DMRT1: variants seen among roughly 807,000 people sequenced by gnomAD.
DMRT1 encodes doublesex and mab-3 related transcription factor 1.
In DMRT1, 7 loss-of-function variants were observed where a neutral mutation model predicts 32.3. That is an observed-to-expected ratio of 0.22 (90% confidence interval 0.12 to 0.41). DMRT1 has a LOEUF of 0.41. DMRT1 is among the 10% of genes least tolerant of loss of function. DMRT1 has a pLI of 1.00. For missense variants in DMRT1, 625 were observed against 500.5 expected (o/e 1.25, Z -2.37); for synonymous variants, 278 against 206.1 (o/e 1.35, Z -2.99).
intron 2 of DMRT1, among the ~76,000 whole-genome samples, chr9:879,825 A>G (rs1043091283): frequency 8.5e-5 from 13 of 152,164 alleles, no homozygotes; most frequent in Non-Finnish European, 2.9e-5. Flanking sequence ...ACTTTATAAC[A>G]TTATGCATTG....
intron 1 of DMRT1, among the ~76,000 whole-genome samples, chr9:843,428 A>G (rs1838775423): frequency 6.6e-6 from 1 of 152,246 alleles, no homozygotes; most frequent in Non-Finnish European, 1.5e-5. Flanking sequence ...TCTCGACCGA[A>G]GATTAAAGTG....
rs1819807700 is a variant in DMRT1, at chr9:962,536, A to AG, written c.968-5447dup. On this transcript the variant is annotated intron_variant, in intron 4 of 4. Coordinates refer to ENST00000382276, the MANE Select transcript of DMRT1 (RefSeq NM_021951.3). ...CCACCAGCTTTCTATGCTGTGGTCC[A>AG]GGAGGGCTTGGGTGGGGTGGGGTGG... 5.9e-5 allele frequency among the ~76,000 whole-genome samples: 4 copies of AG among 67,302 alleles called. No homozygotes were observed. In the Admixed American group the frequency reaches 8.9e-4, roughly 15 times the overall value. The allele number at this position is 67,302 out of a possible 152,430, so 44.2% of individuals were successfully genotyped here.
At chr9:880,035 T>G (rs1447904257) in intron 2 of DMRT1, among the ~76,000 whole-genome samples, 1 of 152,228 alleles carries the variant, frequency 6.6e-6, no homozygotes, top group Non-Finnish European at 1.5e-5. Context: ...AAAACTCAAA[T>G]TTCGGCAATA....
chr9:958,635 G>T (rs1323611177), intron 4 of DMRT1, among the ~76,000 whole-genome samples: 2 of 152,148 alleles, frequency 1.3e-5, no homozygotes, highest in African/African-American at 4.8e-5. Flanking sequence ...CTAACTCTCC[G>T]GGGGTTACAG....
chr9:850,737 A>T (rs946175534), intron 2 of DMRT1, among the ~76,000 whole-genome samples: 2 of 75,100 alleles, frequency 2.7e-5, no homozygotes, highest in African/African-American at 7.5e-5. Context: ...CACTGTATAG[A>T]TGTGAGGCCA....
At chr9:863,969 A>G (rs1815845104) in intron 2 of DMRT1, among the ~76,000 whole-genome samples, 1 of 152,008 alleles carries the variant, frequency 6.6e-6, no homozygotes, top group South Asian at 2.1e-4. Flanking sequence ...TCCCCCGACT[A>G]TTTGGTATTT....
rs146258506 is a variant in DMRT1, at chr9:916,903, G to A, written c.963G>A (p.Ala321=). 2.0e-4 allele frequency: 330 copies of A among 1,614,050 alleles called. No homozygotes were observed. Among genetic ancestry groups the A allele is most frequent in the Non-Finnish European group, 2.6e-4 (301 of 1,180,042 alleles). ...CTCCCTCTTACCCGGAAGCCAGGGCGAGCGGTAGGTGTCTGGTCACACAGA... is the reference window on the plus strand; with the variant it reads ...CTCCCTCTTACCCGGAAGCCAGGGCAAGCGGTAGGTGTCTGGTCACACAGA... The part of the protein sequence containing the change: ...EDAPSYPEAR[A]SVFSPPSSQD... Residue 321 remains alanine, a synonymous_variant, in exon 4 of 5, where the codon GCG becomes GCA. Transcript: ENST00000382276.
intron 2 of DMRT1, among the ~76,000 whole-genome samples, chr9:862,213 C>T (rs10977182): frequency 0.48 from 71,921 of 150,434 alleles, 19,251 homozygotes; most frequent in East Asian, 0.64. Context: ...CTGGGCAACA[C>T]TGAGCACTGA....
chr9:909,934 C>CA (rs1398276583), intron 3 of DMRT1, among the ~76,000 whole-genome samples: 1 of 152,112 alleles, frequency 6.6e-6, no homozygotes, highest in Non-Finnish European at 1.5e-5. Context: ...GACTGTTCTC[C>CA]AACCCCCGGG....
intron 4 of DMRT1, among the ~76,000 whole-genome samples, chr9:961,555 A>G (rs1161661483): frequency 1.3e-5 from 2 of 152,192 alleles, no homozygotes; most frequent in Non-Finnish European, 2.9e-5. Context: ...GATGCCAGCC[A>G]TCTTCTCACC....
chr9:934,037 G>C (rs75429988), intron 4 of DMRT1, among the ~76,000 whole-genome samples: 3 of 148,640 alleles, frequency 2.0e-5, no homozygotes, highest in African/African-American at 7.5e-5. Flanking sequence ...AAAAAAAAAA[G>C]ATGATGAAAG....
At position 861,707 on chromosome 9, in the gene DMRT1, C is replaced by T. The variant is rs561033079; in HGVS notation, c.538+14564C>T. Among the ~76,000 whole-genome samples the T allele has an allele frequency of 6.8e-3, 1,008 of 148,406 alleles. 7 individuals carry two copies. Among genetic ancestry groups the T allele is most frequent in the Middle Eastern group, 0.029 (8 of 272 alleles). On this transcript the variant is annotated intron_variant, in intron 2 of 4. Transcript: ENST00000382276. ...GCAGAGGGGCCCCCCACCTCCCAGA[C>T]GGGGCGGCTGGCCGGGCAGGGGCTG...
intron 4 of DMRT1, among the ~76,000 whole-genome samples, chr9:957,360 C>G (rs184341549): frequency 6.6e-6 from 1 of 152,148 alleles, no homozygotes; most frequent in Admixed American, 6.5e-5. Flanking sequence ...GAAGATACCA[C>G]AAAAATGTTT....
At chr9:966,682 G>C (rs1336671778) in intron 4 of DMRT1, among the ~76,000 whole-genome samples, 1 of 152,172 alleles carries the variant, frequency 6.6e-6, no homozygotes, top group Non-Finnish European at 1.5e-5. Context: ...ATTTCTGTGT[G>C]GTTCCACTAG....
intron 2 of DMRT1, among the ~76,000 whole-genome samples, 163 bp from the exon 3 acceptor site, chr9:893,749 G>C (rs1247421831): frequency 6.6e-6 from 1 of 152,224 alleles, no homozygotes; most frequent in Non-Finnish European, 1.5e-5. Context: ...GCGAACCTTA[G>C]AAACTCTCCC....
At chr9:882,680 A>G (rs548753639) in intron 2 of DMRT1, among the ~76,000 whole-genome samples, 1 of 148,264 alleles carries the variant, frequency 6.7e-6, no homozygotes, top group Non-Finnish European at 1.5e-5. Context: ...GCTCAGCCTC[A>G]TGTTTGTATT....
At chr9:854,632 C>T (rs533707414) in intron 2 of DMRT1, among the ~76,000 whole-genome samples, 14 of 151,986 alleles carry the variant, frequency 9.2e-5, no homozygotes, top group Non-Finnish European at 1.8e-4. Context: ...AAATGAGATC[C>T]GTTTGATTTT....
intron 4 of DMRT1, 53 bp downstream of exon 4, chr9:916,960 C>T (rs953301447): frequency 1.9e-6 from 3 of 1,598,274 alleles, no homozygotes; most frequent in Admixed American, 3.3e-5. Context: ...GATGGCTATC[C>T]AGTATTGGGT....
intron 3 of DMRT1, among the ~76,000 whole-genome samples, chr9:910,630 C>T (rs1030522685): frequency 1.3e-5 from 2 of 151,624 alleles, no homozygotes; most frequent in African/African-American, 4.9e-5. Context: ...AATTATGGCT[C>T]GGGTTTACTG....
Sources: allele counts gnomAD v4.1 joint callset (sites outside exome capture counted in the v4.1 genomes callset), GRCh38; gene constraint gnomAD v4.1.1; transcripts MANE v1.5; gene names NCBI Gene and HGNC (gene_info 2026-07-23, HGNC 2026-07-21).